The following OPA3 variants were observed in gnomAD, a reference collection of about 807,000 sequenced individuals.
OPA3 encodes the protein outer mitochondrial membrane lipid metabolism regulator OPA3.
In OPA3, 6 loss-of-function variants were observed where a neutral mutation model predicts 4.0. That is an observed-to-expected ratio of 1.51 (90% CI 0.83 to 2.99). OPA3 has a LOEUF of 2.99. Among genes scored for constraint, OPA3 ranks in the 30% most tolerant of loss-of-function variants. The pLI, the probability that OPA3 is intolerant of heterozygous loss-of-function variation, is 0.00. For missense variants in OPA3, 235 were observed against 256.2 expected (o/e 0.92, Z 0.56); for synonymous variants, 105 against 117.1 (o/e 0.90, Z 0.67).
downstream of OPA3, among the ~76,000 whole-genome samples, chr19:45,542,790 C>T (rs967780186): frequency 6.6e-6 from 1 of 151,296 alleles, no homozygotes; most frequent in African/African-American, 2.4e-5. Context: ...TCTCCTGCCT[C>T]AGCCTCCAGA....
intron 1 of OPA3, among the ~76,000 whole-genome samples, chr19:45,574,481 G>C (rs747364741): frequency 6.6e-6 from 1 of 151,422 alleles, no homozygotes; most frequent in African/African-American, 2.4e-5. Context: ...GGCATGTCCC[G>C]GGCCAGGGCT....
At chr19:45,531,119 A>G (rs1969057133) in intron 1 of OPA3, among the ~76,000 whole-genome samples, 1 of 151,512 alleles carries the variant, frequency 6.6e-6, no homozygotes. Context: ...TTGGTAACCT[A>G]TGTAATTGCT....
intron 1 of OPA3, among the ~76,000 whole-genome samples, chr19:45,538,528 C>T (rs923168074): frequency 6.6e-6 from 1 of 152,060 alleles, no homozygotes; most frequent in African/African-American, 2.4e-5. Context: ...CGAGACCAGG[C>T]TGGCCAACAT....
chr19:45,540,935 C>T (rs78107264), intron 1 of OPA3, among the ~76,000 whole-genome samples: 1,999 of 152,234 alleles, frequency 0.013, 28 homozygotes, highest in South Asian at 0.057. Context: ...CAAGTGGATC[C>T]CACCAAACTC....
In OPA3 at chr19:45,553,650, G is replaced by C. The variant is rs372640359; in HGVS notation, c.404C>G (p.Ala135Gly). ...EVGHLALALE[A>G]LQAQVQAAPP... Reference sequence around the variant, plus strand: ...CGCCGCCTGCACCTGCGCCTGCAGCGCTTCCAGCGCCAGCGCCAGGTGGCC... The same window carrying C: ...CGCCGCCTGCACCTGCGCCTGCAGCCCTTCCAGCGCCAGCGCCAGGTGGCC... Residue 135 changes from alanine (A) to glycine (G), a missense_variant, in exon 2 of 2, where the codon GCG becomes GGG. Physicochemically the swap from Ala to Gly is moderately conservative, Grantham distance 60. Transcript: ENST00000263275. 6.2e-7 allele frequency: 1 copy of C among 1,605,056 alleles called. No homozygotes were observed. The highest frequency in any genetic ancestry group is 1.3e-5 in the African/African-American group (1 of 74,848).
intron 1 of OPA3, among the ~76,000 whole-genome samples, chr19:45,579,628 C>T (rs1969817639): frequency 6.6e-6 from 1 of 152,158 alleles, no homozygotes; most frequent in Non-Finnish European, 1.5e-5. Flanking sequence ...ATCTACGTGA[C>T]AGCCATGACC....
chr19:45,583,317 A>G (rs1969883730), intron 1 of OPA3, among the ~76,000 whole-genome samples: 1 of 151,832 alleles, frequency 6.6e-6, no homozygotes, highest in South Asian at 2.1e-4. Context: ...ACGCCCGGCT[A>G]ATTTTTTTGT....
At chr19:45,562,360 A>G (rs1209600815) in intron 1 of OPA3, among the ~76,000 whole-genome samples, 3 of 110,488 alleles carry the variant, frequency 2.7e-5, no homozygotes, top group Admixed American at 1.2e-4. Context: ...AAAAAAAAAA[A>G]AAAGAAAAGA....
chr19:45,573,472 GAATA>G (rs1969719185), intron 1 of OPA3, among the ~76,000 whole-genome samples: 1 of 151,968 alleles, frequency 6.6e-6, no homozygotes, highest in African/African-American at 2.4e-5. Context: ...CAAATAAAAT[GAATA>G]AATAAGTAAA....
rs1568396389 is a variant in OPA3, at chr19:45,537,407, A to AAAAAAAAAAAAAAAAAC, written c.143-7952_143-7951insGTTTTTTTTTTTTTTTT. Among the ~76,000 whole-genome samples, 20 of 125,482 alleles carry AAAAAAAAAAAAAAAAAC rather than the reference A, an allele frequency of 1.6e-4. 1 individual carries two copies. The highest frequency in any genetic ancestry group is 5.7e-4 in the South Asian group (2 of 3,506). 82.3% of individuals were successfully genotyped at this position (125,482 alleles called of 152,430 possible). ...GCAAGACTCTGTCTCAAAAAAAAAA[A>AAAAAAAAAAAAAAAAAC]AAAAAAAAAAAAAAACAAGAAAAGA... On this transcript the variant is annotated intron_variant, in intron 1 of 1. Coordinates refer to the OPA3 transcript ENST00000323060.
chr19:45,583,713 G>T (rs980533531), intron 1 of OPA3, among the ~76,000 whole-genome samples: 2 of 150,486 alleles, frequency 1.3e-5, no homozygotes, highest in Middle Eastern at 3.3e-3. Flanking sequence ...TGTTGGCCAG[G>T]CTGGTCTCGA....
chr19:45,572,043 C>T lies in OPA3; in HGVS notation c.142+12580G>A, dbSNP rs1318829164. Among the ~76,000 whole-genome samples the T allele has an allele frequency of 6.6e-5, 10 of 150,610 alleles. No individual in the cohort carries two copies. The Admixed American group carries it at 6.7e-4, about 10-fold the overall frequency. ...TAATTCCACGTTTGCAGGCTGTGAC[C>T]TGCCATGTTTTTCTGCTGGCTCTCG... On this transcript the variant is annotated intron_variant, in intron 1 of 1. Coordinates refer to ENST00000263275, the MANE Select transcript of OPA3 (RefSeq NM_025136.4).
chr19:45,569,706 A>G (rs1296464190), intron 1 of OPA3, among the ~76,000 whole-genome samples: 1 of 151,902 alleles, frequency 6.6e-6, no homozygotes, highest in East Asian at 1.9e-4. Flanking sequence ...CGTTACCCTC[A>G]CTTACCTGAC....
At chr19:45,574,396 CAAAAAAAAAAAA>C (rs779877314) in intron 1 of OPA3, among the ~76,000 whole-genome samples, 1 of 72,558 alleles carries the variant, frequency 1.4e-5, no homozygotes, top group African/African-American at 5.9e-5. Flanking sequence ...GACTCTGTCT[CAAAAAAAAAAAA>C]AAAAAAGAAA....
chr19:45,534,728 G>A (rs552230291), intron 1 of OPA3, among the ~76,000 whole-genome samples: 180 of 151,572 alleles, frequency 1.2e-3, no homozygotes, highest in South Asian at 2.1e-3. Flanking sequence ...CGCCTCCCAG[G>A]TTCAAGCGAT....
At chr19:45,570,033 G>A (rs1038957351) in intron 1 of OPA3, among the ~76,000 whole-genome samples, 12 of 152,300 alleles carry the variant, frequency 7.9e-5, no homozygotes, top group East Asian at 1.9e-4. Flanking sequence ...GTCAATGACC[G>A]AGATGGCCTC....
At position 45,546,498 on chromosome 19, in the gene OPA3, GCTT is replaced by G; in HGVS notation, c.*7013_*7015del. On this transcript the variant is annotated 3_prime_UTR_variant, in exon 2 of 2. Transcript: ENST00000263275. ...GCACACGATGGATTACATAAACTCT[GCTT>G]TTTTTTTTTTTTGAGACAGGGTCTC... is the stretch of plus-strand genomic sequence containing the variant. 3 of 586,816 alleles carry G rather than the reference GCTT, an allele frequency of 5.1e-6. No individual in the cohort carries two copies. Among genetic ancestry groups the G allele is most frequent in the Non-Finnish European group, 4.3e-6 (2 of 468,664 alleles). 36.4% of individuals were successfully genotyped at this position (586,816 alleles called of 1,614,324 possible). A position where few individuals can be genotyped will look rare whatever the true frequency, so the allele number is the denominator to read the frequency against.
At chr19:45,563,466 CAATTA>C (rs5828241) in intron 1 of OPA3, among the ~76,000 whole-genome samples, 4,066 of 150,284 alleles carry the variant, frequency 0.027, 161 homozygotes, top group African/African-American at 0.093. Context: ...CCTATGATAA[CAATTA>C]AAAAGCCAAG....
At chr19:45,558,789 A>G (rs1415743416) in intron 1 of OPA3, among the ~76,000 whole-genome samples, 1 of 150,554 alleles carries the variant, frequency 6.6e-6, no homozygotes, top group East Asian at 1.9e-4. Flanking sequence ...CAGTGGCATG[A>G]TCTCCGCTCT....
Sources: gnomAD v4.1 joint callset for allele counts (sites outside exome capture counted in the v4.1 genomes callset) on GRCh38, gnomAD v4.1.1 for gene constraint, MANE v1.5 for transcripts, NCBI Gene and HGNC (gene_info 2026-07-23, HGNC 2026-07-21) for gene names.